The following CNTLN variants were observed in gnomAD, a reference collection of about 807,000 sequenced individuals.
CNTLN encodes centlein.
CNTLN carries 212 observed loss-of-function variants against 180.0 expected under a neutral mutation model. That is an observed-to-expected ratio of 1.18 (90% CI 1.05 to 1.32). The LOEUF (loss-of-function observed/expected upper bound fraction) is 1.32, where lower values mean the gene tolerates loss of function less well. Ranked by LOEUF, CNTLN falls within the 40% of genes most tolerant of loss-of-function variation. The pLI is 0.00. For missense variants in CNTLN, 2,095 were observed against 1,610.9 expected, an observed-to-expected ratio of 1.30 and a Z score of -5.14; for synonymous variants, 722 against 563.1, an observed-to-expected ratio of 1.28 and a Z score of -3.99.
chr9:17,284,743 T>C (rs1313639775), intron 6 of CNTLN, among the ~76,000 whole-genome samples: 1 of 152,140 alleles, frequency 6.6e-6, no homozygotes, highest in Non-Finnish European at 1.5e-5. Context: ...GGGTTTTTCA[T>C]GTCTGTATCT....
chr9:17,436,306 G>A (rs922523045), intron 18 of CNTLN, among the ~76,000 whole-genome samples: 7 of 152,170 alleles, frequency 4.6e-5, no homozygotes, highest in African/African-American at 7.2e-5. Flanking sequence ...GCAGAAGCAC[G>A]TTTTGCTGCA....
the CNTLN span, among the ~76,000 whole-genome samples, chr9:17,520,243 C>G: frequency 6.6e-6 from 1 of 152,172 alleles, no homozygotes; most frequent in Non-Finnish European, 1.5e-5. Flanking sequence ...TAGTTTTTGA[C>G]ACTGGAAGTG....
rs972298287 is a variant in CNTLN at position 17,288,313 on chromosome 9, C to A, written c.984-9877C>A. 1.7e-5 allele frequency among the ~76,000 whole-genome samples: 2 copies of A among 116,382 alleles called. 1 individual carries two copies. The highest frequency in any genetic ancestry group is 7.8e-5 in the African/African-American group (2 of 25,644). 76.4% of individuals were successfully genotyped at this position (116,382 alleles called of 152,430 possible). A position where few individuals can be genotyped will look rare whatever the true frequency, so the allele number is the denominator to read the frequency against. ...GTTGTTCAGTTTCCATGTAGTTGAGCGGCTTTGAGTGAGATTCTTAATCCT... is the reference window on the plus strand; with the variant it reads ...GTTGTTCAGTTTCCATGTAGTTGAGAGGCTTTGAGTGAGATTCTTAATCCT... On this transcript the variant is annotated intron_variant, in intron 6 of 25. Coordinates refer to ENST00000380647, the MANE Select transcript of CNTLN (RefSeq NM_017738.4).
intron 2 of CNTLN, among the ~76,000 whole-genome samples, chr9:17,220,610 C>A (rs1824065860): frequency 6.6e-6 from 1 of 152,070 alleles, no homozygotes; most frequent in Non-Finnish European, 1.5e-5. Flanking sequence ...CTGATAGGAC[C>A]CAGTGTGTGT....
At chr9:17,424,855 C>T (rs1828969076) in intron 18 of CNTLN, among the ~76,000 whole-genome samples, 1 of 152,110 alleles carries the variant, frequency 6.6e-6, no homozygotes, top group Non-Finnish European at 1.5e-5. Flanking sequence ...AGGCCTTCAC[C>T]AGATGCCGGA....
chr9:17,148,269 C>T (rs1027974891), intron 2 of CNTLN, among the ~76,000 whole-genome samples: 7 of 152,134 alleles, frequency 4.6e-5, no homozygotes, highest in South Asian at 4.1e-4. Context: ...ACAGACAATT[C>T]TAGTTATTAA....
chr9:17,466,437 A>T (rs1831752273), intron 22 of CNTLN, among the ~76,000 whole-genome samples: 2 of 151,462 alleles, frequency 1.3e-5, no homozygotes, highest in African/African-American at 4.8e-5. Context: ...TTTCCATGTT[A>T]TGTGGAGGAT....
intron 15 of CNTLN, among the ~76,000 whole-genome samples, chr9:17,406,642 A>C (rs920973204): frequency 6.6e-6 from 1 of 151,708 alleles, no homozygotes; most frequent in African/African-American, 2.4e-5. Context: ...ATAACATACT[A>C]TATCATATTT....
chr9:17,355,639 A>AT (rs1564023394), intron 12 of CNTLN, among the ~76,000 whole-genome samples: 3 of 152,232 alleles, frequency 2.0e-5, no homozygotes, highest in African/African-American at 4.8e-5. Flanking sequence ...GTCCAGTTTC[A>AT]TTTTTTACAG....
At chr9:17,174,187 GC>G (rs1820577933) in intron 2 of CNTLN, among the ~76,000 whole-genome samples, 1 of 152,054 alleles carries the variant, frequency 6.6e-6, no homozygotes, top group African/African-American at 2.4e-5. Flanking sequence ...TATTTTTATT[GC>G]TGAAGAGTGT....
chr9:17,298,528 T>G, intron 7 of CNTLN, 176 bp downstream of exon 7: 1 of 1,304,516 alleles, frequency 7.7e-7, no homozygotes, highest in South Asian at 2.1e-5. Context: ...ATTTTTTGAA[T>G]TTTCTTTATG....
chr9:17,348,529 TTTC>T (rs1822102103), intron 12 of CNTLN, among the ~76,000 whole-genome samples: 4 of 149,592 alleles, frequency 2.7e-5, no homozygotes, highest in African/African-American at 7.5e-5. Flanking sequence ...TCTTTCTTTC[TTTC>T]TTTTTTTTTT....
At chr9:17,438,119 A>G (rs555774783) in intron 18 of CNTLN, among the ~76,000 whole-genome samples, 1 of 152,290 alleles carries the variant, frequency 6.6e-6, no homozygotes, top group East Asian at 1.9e-4. Flanking sequence ...ACTTGTGCCA[A>G]GGCCTGACCG....
At chr9:17,297,536 A>T (rs979468730) in intron 6 of CNTLN, among the ~76,000 whole-genome samples, 1 of 151,946 alleles carries the variant, frequency 6.6e-6, no homozygotes, top group African/African-American at 2.4e-5. Flanking sequence ...CTAGACTCTT[A>T]GTGCCATCAT....
At chr9:17,370,808 A>T (rs7865807) in intron 13 of CNTLN, among the ~76,000 whole-genome samples, 122,411 of 151,938 alleles carry the variant, frequency 0.81, 49,909 homozygotes, top group Non-Finnish European at 0.87. Flanking sequence ...GACAAAGTTA[A>T]ATAATTTTTA....
intron 10 of CNTLN, among the ~76,000 whole-genome samples, chr9:17,338,058 T>A (rs1201383115): frequency 6.6e-6 from 1 of 152,118 alleles, no homozygotes; most frequent in Non-Finnish European, 1.5e-5. Context: ...TAGTTTAAGT[T>A]TCTTTTGAAA....
intron 8 of CNTLN, among the ~76,000 whole-genome samples, chr9:17,325,556 TACACACACACAC>T (rs142190202): frequency 6.8e-6 from 1 of 147,536 alleles, no homozygotes; most frequent in African/African-American, 2.5e-5. Flanking sequence ...CAGATTTTAT[TACACACACACAC>T]ACACACACGC....
intron 23 of CNTLN, among the ~76,000 whole-genome samples, chr9:17,471,001 C>T (rs1832019229): frequency 6.6e-6 from 1 of 151,890 alleles, no homozygotes; most frequent in Admixed American, 6.6e-5. Context: ...GTCTATGATA[C>T]AATTCAAGTT....
intron 12 of CNTLN, among the ~76,000 whole-genome samples, chr9:17,344,884 C>T (rs1821760637): frequency 6.6e-6 from 1 of 152,136 alleles, no homozygotes; most frequent in Non-Finnish European, 1.5e-5. Flanking sequence ...CATCCTGCCC[C>T]TTTGTAGTCA....
Sources: allele counts gnomAD v4.1 joint callset (sites outside exome capture counted in the v4.1 genomes callset), GRCh38; gene constraint gnomAD v4.1.1; transcripts MANE v1.5; gene names NCBI Gene and HGNC (gene_info 2026-07-23, HGNC 2026-07-21).